DGKD: variants seen among roughly 807,000 people sequenced by gnomAD.
DGKD encodes DAG kinase delta.
DGKD carries 68 observed loss-of-function variants against 154.4 expected under a neutral mutation model. The observed-to-expected ratio is 0.44, with a 90% CI of 0.36 to 0.54. The LOEUF (loss-of-function observed/expected upper bound fraction) is 0.54, where lower values mean the gene tolerates loss of function less well. DGKD is among the 20% of genes least tolerant of loss of function. DGKD has a pLI of 0.00. For missense variants in DGKD, 1,343 were observed against 1,593.6 expected, an observed-to-expected ratio of 0.84 and a Z score of 2.68; for synonymous variants, 693 against 638.0, an observed-to-expected ratio of 1.09 and a Z score of -1.30.
At position 233,462,330 on chromosome 2, in the gene DGKD, G is replaced by T; in HGVS notation, c.2982-18G>T. ...TCCATTTGGCCTGACATCTGCCCGT[G>T]CTTCTCTTCCTCTCTAGTATCCGAG... On this transcript the variant is annotated intron_variant, in intron 24 of 29. Transcript: ENST00000264057. 1 of 1,585,118 alleles carries T rather than the reference G, an allele frequency of 6.3e-7. No individual in the cohort carries two copies.
chr2:233,395,705 G>C lies in DGKD; in HGVS notation c.348+5222G>C, dbSNP rs111867674. 6.2e-3 allele frequency among the ~76,000 whole-genome samples: 804 copies of C among 128,660 alleles called. 10 individuals are homozygous for C. The highest frequency in any genetic ancestry group is 0.022 in the African/African-American group (741 of 33,286). The allele number at this position is 128,660 out of a possible 152,430, so 84.4% of individuals were successfully genotyped here. On this transcript the variant is annotated intron_variant, in intron 3 of 29. Transcript: ENST00000264057. ...AAATTTAAGAGACAGGTCTTACTCT[G>C]TCGCCCGGGCTGGAGTGCAGTGGCA...
intron 1 of DGKD, among the ~76,000 whole-genome samples, chr2:233,359,403 T>G (rs556956769): frequency 1.3e-5 from 2 of 152,180 alleles, no homozygotes; most frequent in Admixed American, 1.3e-4. Context: ...TAGAATTAAA[T>G]GGGATAATTT....
At chr2:233,384,086 A>C (rs900915951) in intron 1 of DGKD, among the ~76,000 whole-genome samples, 2 of 152,178 alleles carry the variant, frequency 1.3e-5, no homozygotes, top group African/African-American at 4.8e-5. Flanking sequence ...GTTCATAAAA[A>C]GAAAGTTGTA....
chr2:233,420,610 A>G (rs2062083399), intron 3 of DGKD, among the ~76,000 whole-genome samples: 1 of 152,242 alleles, frequency 6.6e-6, no homozygotes, highest in Non-Finnish European at 1.5e-5. Context: ...AAATGTTATC[A>G]GACTGGACAG....
intron 3 of DGKD, among the ~76,000 whole-genome samples, chr2:233,398,048 C>A (rs967602226): frequency 6.6e-6 from 1 of 151,822 alleles, no homozygotes; most frequent in South Asian, 2.1e-4. Context: ...TTGTTTGTTA[C>A]TACATTTACT....
rs1009696252 is a variant in DGKD, at chr2:233,457,574, T to C, written c.2580+246T>C. ...GGTCAGCAGATGTGGTCAGCGGGTGTGACGTGGAAGGAGGGTCAGGGAAGG... is the reference window on the plus strand; with the variant it reads ...GGTCAGCAGATGTGGTCAGCGGGTGCGACGTGGAAGGAGGGTCAGGGAAGG... On this transcript the variant is annotated intron_variant, in intron 21 of 29. Transcript: ENST00000264057. This position sits in a 1 kb window ranked among gnomAD's most constrained non-coding sequence, Gnocchi z 5.5. 2.9e-5 allele frequency: 18 copies of C among 622,482 alleles called. No homozygotes were observed. The African/African-American group carries it at 3.3e-4, about 11-fold the overall frequency. The allele number at this position is 622,482 out of a possible 1,614,324, so 38.6% of individuals were successfully genotyped here.
chr2:233,461,056 CCT>C (rs1254056813), intron 24 of DGKD, among the ~76,000 whole-genome samples: 1 of 151,962 alleles, frequency 6.6e-6, no homozygotes, highest in Non-Finnish European at 1.5e-5. Flanking sequence ...TGGGGCATTT[CCT>C]CTCACCTGCC....
At chr2:233,370,178 C>T (rs1702239702) in intron 1 of DGKD, among the ~76,000 whole-genome samples, 1 of 152,070 alleles carries the variant, frequency 6.6e-6, no homozygotes, top group African/African-American at 2.4e-5. Context: ...ATCTGCTTTC[C>T]ATCTCTATGG....
Position 233,440,771 on chromosome 2 carries a change from C to A in DGKD, c.1086-1116C>A, listed in dbSNP as rs2125609701. Among the ~76,000 whole-genome samples, 1 of 152,300 alleles carries A rather than the reference C, an allele frequency of 6.6e-6. No individual in the cohort carries two copies. Among genetic ancestry groups the A allele is most frequent in the African/African-American group, 2.4e-5 (1 of 41,566 alleles). ...CAGCCTCATAAAGCAAGGCCCGTGG[C>A]CAGGCTCGTGTTTTAGAAAGGTCTT... On this transcript the variant is annotated intron_variant, in intron 9 of 29. Coordinates refer to ENST00000264057, the MANE Select transcript of DGKD (RefSeq NM_152879.3). This position sits in a 1 kb window ranked among gnomAD's most constrained non-coding sequence, Gnocchi z 4.9.
chr2:233,391,426 A>G (rs986855755), intron 3 of DGKD, among the ~76,000 whole-genome samples: 2 of 151,988 alleles, frequency 1.3e-5, no homozygotes, highest in African/African-American at 4.8e-5. Context: ...CCCCAGGACA[A>G]TTTATAGTAG....
At chr2:233,439,990 G>A (rs1449787107) in intron 9 of DGKD, among the ~76,000 whole-genome samples, 4 of 152,180 alleles carry the variant, frequency 2.6e-5, no homozygotes, top group African/African-American at 9.7e-5. Context: ...CAGGGGTGTT[G>A]GAGGAATGCT....
intron 3 of DGKD, among the ~76,000 whole-genome samples, chr2:233,427,152 C>A (rs1268324119): frequency 6.6e-6 from 1 of 152,012 alleles, no homozygotes; most frequent in Non-Finnish European, 1.5e-5. Flanking sequence ...TGTGACATCA[C>A]GTTTCTTTCT....
At chr2:233,362,581 G>A (rs1258004104) in intron 1 of DGKD, among the ~76,000 whole-genome samples, 2 of 152,322 alleles carry the variant, frequency 1.3e-5, no homozygotes, top group Middle Eastern at 3.4e-3. Context: ...AACCTGGGAA[G>A]TGGAAGTTGC....
At position 233,451,016 on chromosome 2, in the gene DGKD, C is replaced by G; in HGVS notation, c.2133C>G (p.Gly711=). 1 of 1,612,086 alleles carries G rather than the reference C, an allele frequency of 6.2e-7. No individual in the cohort carries two copies. The highest frequency in any genetic ancestry group is 8.5e-7 in the Non-Finnish European group (1 of 1,178,274). Residue 711 remains glycine, a synonymous_variant, in exon 17 of 30, where the codon GGC becomes GGG. Transcript: ENST00000264057. Reference sequence around the variant, plus strand: ...CGCCCCAGCCGGGAAGCCGGGACGGCCTGCCTGCGCTCAACACCAAGATCC... The same window carrying G: ...CGCCCCAGCCGGGAAGCCGGGACGGGCTGCCTGCGCTCAACACCAAGATCC... The part of the protein sequence containing the change: ...SLPPQPGSRD[G]LPALNTKILY...
chr2:233,379,712 A>G (rs1042273476), intron 1 of DGKD: 5 of 152,136 alleles, frequency 3.3e-5, no homozygotes, highest in African/African-American at 9.7e-5. Context: ...CTTAGGAACC[A>G]CCTGGGCTCT....
chr2:233,420,380 C>G (rs1192980498), intron 3 of DGKD, among the ~76,000 whole-genome samples: 1 of 151,888 alleles, frequency 6.6e-6, no homozygotes, highest in Non-Finnish European at 1.5e-5. Flanking sequence ...ACACATGAAC[C>G]CAGCTATGAC....
intron 3 of DGKD, among the ~76,000 whole-genome samples, chr2:233,407,673 G>A (rs1048646896): frequency 2.6e-5 from 4 of 152,100 alleles, no homozygotes; most frequent in African/African-American, 7.2e-5. Flanking sequence ...AGGCTGAGGC[G>A]GGAGGATCAC....
In DGKD at chr2:233,382,248, CAA is replaced by C. The variant is rs368622464; in HGVS notation, c.157-6007_157-6006del. 1.8e-3 allele frequency among the ~76,000 whole-genome samples: 274 copies of C among 152,246 alleles called. 2 individuals are homozygous for C. Among genetic ancestry groups the C allele is most frequent in the Admixed American group, 3.9e-3 (59 of 15,288 alleles). On this transcript the variant is annotated intron_variant, in intron 1 of 29. Coordinates refer to ENST00000264057, the MANE Select transcript of DGKD (RefSeq NM_152879.3). Reference sequence around the variant, plus strand: ...GACTCTGTCTCAGAAAACAAACAAACAAAGAGATATGCAAATTGATAGAAATA... The same window carrying C: ...GACTCTGTCTCAGAAAACAAACAAACAGAGATATGCAAATTGATAGAAATA...
Position 233,451,991 on chromosome 2 carries a change from T to C in DGKD, c.2195T>C (p.Leu732Ser). 1 of 1,614,076 alleles carries C rather than the reference T, an allele frequency of 6.2e-7. No individual in the cohort carries two copies. The highest frequency in any genetic ancestry group is 8.5e-7 in the Non-Finnish European group (1 of 1,179,930). The stretch of plus-strand genomic sequence containing the variant: ...GTCCGGGCTGGAATGTCTGGTTCCT[T>C]ACCCGGTGGCTCAGTCATCAGTCGC... ...PNVRAGMSGSLPGGSVISRLL... is the reference protein window; with the variant it reads ...PNVRAGMSGSSPGGSVISRLL... Residue 732 changes from leucine to serine, a missense_variant, in exon 18 of 30, where the codon TTA (leucine) becomes TCA (serine). Coordinates refer to ENST00000264057, the MANE Select transcript of DGKD (RefSeq NM_152879.3).
Sources: gnomAD v4.1 joint callset for allele counts (sites outside exome capture counted in the v4.1 genomes callset) on GRCh38, gnomAD v4.1.1 for gene constraint, Gnocchi (gnomAD v3.1) non-coding constraint, MANE v1.5 for transcripts, NCBI Gene and HGNC (gene_info 2026-07-23, HGNC 2026-07-21) for gene names.